Variants in SLC10A7 observed in about 807,000 individuals in gnomAD.
SLC10A7 encodes the protein sodium/bile acid cotransporter 7.
In SLC10A7, 29 loss-of-function variants were observed where a neutral mutation model predicts 43.2. The observed-to-expected ratio is 0.67, with a 90% CI of 0.50 to 0.92. The LOEUF is 0.92. Ranked by LOEUF, SLC10A7 falls within the 40% of genes least tolerant of loss-of-function variation. The pLI, the probability that SLC10A7 is intolerant of heterozygous loss-of-function variation, is 0.00. For synonymous variants in SLC10A7, 152 were observed against 144.8 expected (o/e 1.05, Z -0.35); for missense variants, 295 against 403.2 (o/e 0.73, Z 2.30).
intron 4 of SLC10A7, among the ~76,000 whole-genome samples, chr4:146,450,656 G>A (rs1007070277): frequency 6.6e-6 from 1 of 152,140 alleles, no homozygotes; most frequent in Non-Finnish European, 1.5e-5. Context: ...AAAGCAACTG[G>A]AAAACTCTAC....
At chr4:146,351,277 T>C (rs1578959832) in intron 5 of SLC10A7, among the ~76,000 whole-genome samples, 1 of 149,602 alleles carries the variant, frequency 6.7e-6, no homozygotes, top group African/African-American at 2.5e-5. Flanking sequence ...GAAGAAAGGG[T>C]ATCAGCAATG....
At chr4:146,414,118 G>A (rs1393920604) in intron 5 of SLC10A7, among the ~76,000 whole-genome samples, 1 of 152,096 alleles carries the variant, frequency 6.6e-6, no homozygotes, top group East Asian at 1.9e-4. Flanking sequence ...CCAGAACACG[G>A]GCTAGTCAAC....
chr4:146,283,354 A>T lies in SLC10A7; in HGVS notation c.774-89T>A. The T allele has an allele frequency of 3.2e-6, 3 of 949,566 alleles. No individual in the cohort carries two copies. The South Asian group carries it at 4.1e-5, about 13-fold the overall frequency. 58.8% of individuals were successfully genotyped at this position (949,566 alleles called of 1,614,324 possible). A position where few individuals can be genotyped will look rare whatever the true frequency, so the allele number is the denominator to read the frequency against. On this transcript the variant is annotated intron_variant, in intron 9 of 11. Transcript: ENST00000335472. ...CAAATGTAGTACCTACCTTTATGTT[A>T]ACATCCCTTTGATCAATCCTGGTGA... is the stretch of plus-strand genomic sequence containing the variant.
At chr4:146,286,923 G>A (rs72491775) in intron 9 of SLC10A7, among the ~76,000 whole-genome samples, 770 of 11,812 alleles carry the variant, frequency 0.065, no homozygotes, top group African/African-American at 0.26. Flanking sequence ...AACTTGGAGA[G>A]TTGAGAAAGA....
At chr4:146,388,234 A>G (rs1291858301) in intron 5 of SLC10A7, among the ~76,000 whole-genome samples, 1 of 152,240 alleles carries the variant, frequency 6.6e-6, no homozygotes, top group Non-Finnish European at 1.5e-5. Flanking sequence ...CAAATAGATC[A>G]GTGGAACAGA....
intron 6 of SLC10A7, among the ~76,000 whole-genome samples, chr4:146,315,532 C>A (rs1238940411): frequency 1.3e-5 from 2 of 152,118 alleles, no homozygotes; most frequent in African/African-American, 4.8e-5. Context: ...CCTTTTCATT[C>A]TCCTCAAATT....
In SLC10A7 at chr4:146,256,409, T is replaced by A. The variant is rs998983483; in HGVS notation, c.*82A>T. The stretch of plus-strand genomic sequence containing the variant: ...AAATAAAATATGCATTGAGGCAACA[T>A]TCACAAGTACAAGTCTTCAGAATTG... On this transcript the variant is annotated 3_prime_UTR_variant, in exon 12 of 12. Coordinates refer to ENST00000335472, the MANE Select transcript of SLC10A7 (RefSeq NM_001029998.6). 2 of 1,361,328 alleles carry A rather than the reference T, an allele frequency of 1.5e-6. No individual in the cohort carries two copies. The highest frequency in any genetic ancestry group is 2.1e-6 in the Non-Finnish European group (2 of 962,870). 84.3% of individuals were successfully genotyped at this position (1,361,328 alleles called of 1,614,324 possible).
intron 5 of SLC10A7, among the ~76,000 whole-genome samples, chr4:146,402,989 T>C (rs1463511042): frequency 6.6e-6 from 1 of 152,152 alleles, no homozygotes; most frequent in Non-Finnish European, 1.5e-5. Flanking sequence ...AACTTTTCTG[T>C]GCCTTTTCTC....
intron 6 of SLC10A7, among the ~76,000 whole-genome samples, chr4:146,310,230 T>A (rs551419623): frequency 6.6e-6 from 1 of 152,260 alleles, no homozygotes; most frequent in African/African-American, 2.4e-5. Context: ...CTGTTGATGG[T>A]CACTTAGGTT....
intron 5 of SLC10A7, among the ~76,000 whole-genome samples, chr4:146,333,826 AC>A (rs200606957): frequency 0.018 from 2,748 of 152,016 alleles, 72 homozygotes; most frequent in Non-Finnish European, 0.022. Flanking sequence ...GGTAAGAATC[AC>A]TCCGTGTGTA....
chr4:146,499,518 C>T (rs1278821830), intron 4 of SLC10A7, among the ~76,000 whole-genome samples: 1 of 152,136 alleles, frequency 6.6e-6, no homozygotes, highest in African/African-American at 2.4e-5. Context: ...TATCTAGTAA[C>T]ATTATTTTAG....
At chr4:146,411,376 C>T (rs1413161345) in intron 5 of SLC10A7, among the ~76,000 whole-genome samples, 2 of 152,114 alleles carry the variant, frequency 1.3e-5, no homozygotes, top group Admixed American at 6.5e-5. Flanking sequence ...TAAAATAAGA[C>T]TCTGCTTTAA....
intron 11 of SLC10A7, among the ~76,000 whole-genome samples, chr4:146,258,412 C>T (rs1444410787): frequency 6.6e-6 from 1 of 152,082 alleles, no homozygotes; most frequent in Non-Finnish European, 1.5e-5. Flanking sequence ...TGAACCTTTA[C>T]CCCATATAAT....
intron 7 of SLC10A7, among the ~76,000 whole-genome samples, chr4:146,295,423 T>G (rs554352165): frequency 6.6e-6 from 1 of 152,280 alleles, no homozygotes; most frequent in East Asian, 1.9e-4. Flanking sequence ...TATTATGGGG[T>G]TTATTTTGGG....
intron 10 of SLC10A7, among the ~76,000 whole-genome samples, chr4:146,281,266 C>G (rs1265608669): frequency 6.6e-6 from 1 of 152,054 alleles, no homozygotes; most frequent in African/African-American, 2.4e-5. Context: ...CTGTGTGCTT[C>G]CTGAGTATGC....
chr4:146,330,543 G>A (rs887943946), intron 5 of SLC10A7, among the ~76,000 whole-genome samples: 8 of 152,074 alleles, frequency 5.3e-5, no homozygotes, highest in African/African-American at 1.2e-4. Flanking sequence ...CTTATATAAC[G>A]CTGAAACCTA....
At chr4:146,439,992 C>T (rs1035781161) in intron 5 of SLC10A7, among the ~76,000 whole-genome samples, 1 of 152,158 alleles carries the variant, frequency 6.6e-6, no homozygotes, top group Admixed American at 6.5e-5. Flanking sequence ...CTCCCTGAAG[C>T]CTTCTCATGT....
intron 5 of SLC10A7, among the ~76,000 whole-genome samples, chr4:146,435,612 C>T (rs1235403006): frequency 6.6e-6 from 1 of 152,012 alleles, no homozygotes; most frequent in East Asian, 1.9e-4. Flanking sequence ...AATATTAGCT[C>T]AACAAATAGA....
At chr4:146,519,333 A>G (rs775870836) in intron 1 of SLC10A7, among the ~76,000 whole-genome samples, 1 of 145,542 alleles carries the variant, frequency 6.9e-6, no homozygotes, top group Non-Finnish European at 1.5e-5. Flanking sequence ...TTAACATAAT[A>G]TATAATATTA....
Sources: gnomAD v4.1 joint callset for allele counts (sites outside exome capture counted in the v4.1 genomes callset) on GRCh38, gnomAD v4.1.1 for gene constraint, MANE v1.5 for transcripts, NCBI Gene and HGNC (gene_info 2026-07-23, HGNC 2026-07-21) for gene names.